Variants in PTPRT observed in about 807,000 individuals in gnomAD.
The protein encoded by PTPRT is protein tyrosine phosphatase receptor type T.
A neutral mutation model predicts 176.8 loss-of-function variants in PTPRT; 56 were observed. The observed-to-expected ratio is 0.32, with a 90% CI of 0.26 to 0.40. The LOEUF is 0.40. Ranked by LOEUF, PTPRT falls within the 10% of genes least tolerant of loss-of-function variation. The pLI, the probability that PTPRT is intolerant of heterozygous loss-of-function variation, is 1.00. For synonymous variants in PTPRT, 783 were observed against 739.0 expected, an observed-to-expected ratio of 1.06 and a Z score of -0.96; for missense variants, 1,540 against 1,908.2, an observed-to-expected ratio of 0.81 and a Z score of 3.60.
chr20:42,550,682 A>T (rs1158387958), intron 7 of PTPRT, among the ~76,000 whole-genome samples: 1 of 152,120 alleles, frequency 6.6e-6, no homozygotes, highest in Non-Finnish European at 1.5e-5. Context: ...TGCATCCTTT[A>T]TAGGTAGATC....
Position 43,088,335 on chromosome 20 carries a change from T to G in PTPRT, c.88+101311A>C, listed in dbSNP as rs112748957. 7.9e-3 allele frequency among the ~76,000 whole-genome samples: 105 copies of G among 13,288 alleles called. 1 individual carries two copies. The highest frequency in any genetic ancestry group is 0.038 in the South Asian group (10 of 266). The allele number at this position is 13,288 out of a possible 152,430, so 8.7% of individuals were successfully genotyped here. On this transcript the variant is annotated intron_variant, in intron 1 of 30. Transcript: ENST00000373187. ...TGTTAGGTTTTGTTTTGCTTTGGGG[T>G]GTGTGTGTGTGTGTGTGTGTGTGTG...
In PTPRT at chr20:42,564,732, A is replaced by G. The variant is rs374154242; in HGVS notation, c.1154-92170T>C. ...TGTAACAAACCTGCACGTTCTGCAC[A>G]TGTATCTCAGAACTTAAAGCAAAAT... On this transcript the variant is annotated intron_variant, in intron 7 of 30. Transcript: ENST00000373187. 3.1e-3 allele frequency among the ~76,000 whole-genome samples: 465 copies of G among 152,308 alleles called. 19 individuals carry two copies. The South Asian group carries it at 0.092, about 30-fold the overall frequency.
intron 9 of PTPRT, among the ~76,000 whole-genome samples, chr20:42,385,797 G>T (rs1448155613): frequency 1.3e-5 from 2 of 152,084 alleles, no homozygotes; most frequent in Admixed American, 1.3e-4. Context: ...TCACTACCAT[G>T]AGAACAGTAT....
At chr20:42,642,056 T>C (rs1600531824) in intron 7 of PTPRT, among the ~76,000 whole-genome samples, 1 of 152,112 alleles carries the variant, frequency 6.6e-6, no homozygotes, top group East Asian at 1.9e-4. Context: ...ACCAGACTGT[T>C]TACACCAGCA....
chr20:42,768,496 C>G (rs2077017151), intron 5 of PTPRT, among the ~76,000 whole-genome samples: 1 of 150,258 alleles, frequency 6.7e-6, no homozygotes, highest in African/African-American at 2.4e-5. Context: ...GTGTGAACAA[C>G]AGGTAGAATT....
chr20:42,799,648 A>G (rs577303472), intron 2 of PTPRT, among the ~76,000 whole-genome samples: 36 of 152,324 alleles, frequency 2.4e-4, no homozygotes, highest in African/African-American at 8.7e-4. Flanking sequence ...TTGATGTTGG[A>G]AATAGACAAT....
rs150471089 is a variant in PTPRT at position 43,127,748 on chromosome 20, A to G, written c.88+61898T>C. 5.7e-3 allele frequency among the ~76,000 whole-genome samples: 875 copies of G among 152,272 alleles called. 7 individuals are homozygous for G. Among genetic ancestry groups the G allele is most frequent in the African/African-American group, 0.02 (835 of 41,560 alleles). On this transcript the variant is annotated intron_variant, in intron 1 of 30. Transcript: ENST00000373187. ...TCTCCACCTGGGCATTCCAAAGAGA[A>G]ACTCTTTTTGGAAGGAATTTGCAAA...
chr20:42,071,679 C>T (rs6065431), downstream of PTPRT, among the ~76,000 whole-genome samples: 42,074 of 151,882 alleles, frequency 0.28, 5,959 homozygotes, highest in Middle Eastern at 0.3. Flanking sequence ...ATTTTTGAGA[C>T]AGGATATCAC....
At chr20:42,580,385 G>A (rs1299760750) in intron 7 of PTPRT, among the ~76,000 whole-genome samples, 17 of 152,030 alleles carry the variant, frequency 1.1e-4, no homozygotes, top group East Asian at 3.9e-4. Flanking sequence ...TTGGTGATGC[G>A]GGCTCTTTTT....
At chr20:42,922,816 C>T (rs1439047193) in intron 1 of PTPRT, among the ~76,000 whole-genome samples, 1 of 152,062 alleles carries the variant, frequency 6.6e-6, no homozygotes, top group Non-Finnish European at 1.5e-5. Context: ...TCTGTAATGC[C>T]CTTCATGCCC....
At chr20:43,186,350 GC>G (rs1013366118) in intron 1 of PTPRT, among the ~76,000 whole-genome samples, 1 of 151,390 alleles carries the variant, frequency 6.6e-6, no homozygotes, top group Non-Finnish European at 1.5e-5. Flanking sequence ...GCCCACCCTC[GC>G]CCCCCCATTA....
intron 9 of PTPRT, among the ~76,000 whole-genome samples, chr20:42,426,734 C>T (rs780585696): frequency 2.6e-5 from 4 of 152,184 alleles, no homozygotes; most frequent in South Asian, 2.1e-4. Flanking sequence ...CTCCCCCTCC[C>T]GTAAGGGGTT....
At chr20:42,087,593 A>C (rs1163677512) in intron 27 of PTPRT, among the ~76,000 whole-genome samples, 3 of 146,956 alleles carry the variant, frequency 2.0e-5, no homozygotes, top group African/African-American at 4.9e-5. Context: ...GAAGAGATGG[A>C]GGCTGGGTGC....
chr20:42,868,689 G>C (rs139742709), intron 2 of PTPRT, among the ~76,000 whole-genome samples: 114 of 152,320 alleles, frequency 7.5e-4, no homozygotes, highest in Non-Finnish European at 1.3e-3. Flanking sequence ...AGGGTTATTA[G>C]TATGGGTGTA....
chr20:42,772,231 T>G (rs1321306780), intron 4 of PTPRT, among the ~76,000 whole-genome samples: 1 of 152,202 alleles, frequency 6.6e-6, no homozygotes, highest in African/African-American at 2.4e-5. Flanking sequence ...AAGTACCACA[T>G]GCAGTGTCTC....
At position 42,727,169 on chromosome 20, in the gene PTPRT, T is replaced by C. The variant is rs548838495; in HGVS notation, c.859+29293A>G. 4.5e-4 allele frequency among the ~76,000 whole-genome samples: 68 copies of C among 152,176 alleles called. 1 individual carries two copies. The highest frequency in any genetic ancestry group is 6.0e-4 in the Non-Finnish European group (41 of 68,034). On this transcript the variant is annotated intron_variant, in intron 6 of 30. Transcript: ENST00000373187. ...GGAACCTCAGATGGCCTTGTGCCTGTCTCCTGACTGCTCTTCTCATTTGGG... is the reference window on the plus strand; with the variant it reads ...GGAACCTCAGATGGCCTTGTGCCTGCCTCCTGACTGCTCTTCTCATTTGGG...
At chr20:42,401,196 G>A (rs1175412763) in intron 9 of PTPRT, among the ~76,000 whole-genome samples, 1 of 151,492 alleles carries the variant, frequency 6.6e-6, no homozygotes, top group African/African-American at 2.4e-5. Context: ...AGTCTCTATC[G>A]GGATGGACAT....
At chr20:42,575,376 G>T (rs1171217213) in intron 7 of PTPRT, among the ~76,000 whole-genome samples, 1 of 152,246 alleles carries the variant, frequency 6.6e-6, no homozygotes, top group Non-Finnish European at 1.5e-5. Context: ...GCCAGGCAAA[G>T]TGGCAGGGCT....
At chr20:42,489,923 A>G (rs952361607) in intron 7 of PTPRT, among the ~76,000 whole-genome samples, 6 of 152,292 alleles carry the variant, frequency 3.9e-5, no homozygotes, top group South Asian at 2.1e-4. Context: ...TTACCCTGGG[A>G]GTAGGTATTA....
Sources: gnomAD v4.1 joint callset for allele counts (sites outside exome capture counted in the v4.1 genomes callset) on GRCh38, gnomAD v4.1.1 for gene constraint, MANE v1.5 for transcripts, NCBI Gene and HGNC (gene_info 2026-07-23, HGNC 2026-07-21) for gene names.